The following RNF213 variants were observed in gnomAD, a reference collection of about 807,000 sequenced individuals.
RNF213 encodes ring finger protein 213, also known as E3 ubiquitin-protein ligase RNF213.
RNF213 carries 341 observed loss-of-function variants against 514.4 expected under a neutral mutation model. That is an observed-to-expected ratio of 0.66 (90% CI 0.61 to 0.73). The LOEUF is 0.73. Among genes scored for constraint, RNF213 ranks in the 30% least tolerant of loss-of-function variants. The probability of loss-of-function intolerance (pLI) is 0.00; values close to 1 mark genes in which losing one functional copy is unlikely to be tolerated. For synonymous variants in RNF213, 2,655 were observed against 2,658.2 expected, an observed-to-expected ratio of 1.00 and a Z score of 0.04; for missense variants, 5,767 against 6,615.6, an observed-to-expected ratio of 0.87 and a Z score of 4.45.
At chr17:80,364,170 G>A (rs1437872708) in intron 41 of RNF213, among the ~76,000 whole-genome samples, 1 of 152,210 alleles carries the variant, frequency 6.6e-6, no homozygotes, top group African/African-American at 2.4e-5. Context: ...CTTGACAGGC[G>A]CAGGATCATG....
rs775432491 is a variant in RNF213, at chr17:80,267,950, G to T, written c.97+4172G>T. ...TTCTCCTGCCTCAGCCTCCCAAGTA[G>T]CTGGGATTACAGGTGTGTGCCACCA... On this transcript the variant is annotated intron_variant, in intron 2 of 67. Coordinates refer to ENST00000582970, the MANE Select transcript of RNF213 (RefSeq NM_001256071.3). 1.3e-4 allele frequency among the ~76,000 whole-genome samples: 20 copies of T among 151,706 alleles called. 1 individual carries two copies. The highest frequency in any genetic ancestry group is 2.6e-4 in the Non-Finnish European group (18 of 67,968).
intron 39 of RNF213, among the ~76,000 whole-genome samples, chr17:80,362,463 T>G (rs1241656314): frequency 6.6e-6 from 1 of 152,240 alleles, no homozygotes; most frequent in Non-Finnish European, 1.5e-5. Context: ...TTTGAAAAAT[T>G]GCTTAGCCTT....
intron 42 of RNF213, among the ~76,000 whole-genome samples, chr17:80,367,372 A>T (rs937930531): frequency 1.3e-5 from 2 of 152,218 alleles, no homozygotes; most frequent in African/African-American, 4.8e-5. Context: ...ATTTTAAAAA[A>T]TTTAAAAATT....
rs752447524 is a variant in RNF213, at chr17:80,344,951, G to A, written c.6616G>A (p.Gly2206Arg). ...CCTCCAGCATTTCCTGTTTCACTGC[G>A]GGGTAATAAACCCATCCTGGTCAGA... ...ECLQHFLFHC[G>R]VINPSWSELR... The change falls in exon 29 of 68, where the codon GGG becomes AGG. Residue 2206 changes from glycine to arginine, a missense_variant. Transcript: ENST00000582970. 23 of 1,614,004 alleles carry A rather than the reference G, an allele frequency of 1.4e-5. No homozygotes were observed. The Admixed American group carries it at 3.2e-4, about 22-fold the overall frequency.
intron 2 of RNF213, among the ~76,000 whole-genome samples, chr17:80,267,606 G>A (rs1344335343): frequency 1.3e-5 from 2 of 152,178 alleles, no homozygotes; most frequent in African/African-American, 2.4e-5. Context: ...CTCTCCTGTA[G>A]CCACAATTCC....
At chr17:80,373,245 TC>T in intron 49 of RNF213, 80 bp downstream of exon 49, 1 of 1,042,596 alleles carries the variant, frequency 9.6e-7, no homozygotes, top group Non-Finnish European at 1.3e-6. Context: ...CCCCCTACCC[TC>T]ACACCCTACC....
chr17:80,375,835 A>C lies in RNF213; in HGVS notation c.13150A>C (p.Arg4384=). Residue 4384 remains arginine, a synonymous_variant, in exon 51 of 68, where the codon AGA becomes CGA. Transcript: ENST00000582970. The part of the protein sequence containing the change: ...TLFREVAILY[R]SHNASLHPTP... ...GTTTAGAGAGGTGGCTATTTTGTAC[A>C]GATCCCACAATGCAAGCCTCCACCC... is the stretch of plus-strand genomic sequence containing the variant. The C allele has an allele frequency of 6.2e-7, 1 of 1,614,134 alleles. No individual in the cohort carries two copies. Among genetic ancestry groups the C allele is most frequent in the Middle Eastern group, 1.6e-4 (1 of 6,062 alleles).
At chr17:80,298,205 G>A (rs183105956) in intron 10 of RNF213, 116 bp from the exon 11 acceptor site, 3 of 1,057,738 alleles carry the variant, frequency 2.8e-6, no homozygotes, top group East Asian at 2.6e-5. Context: ...TCAGCCACGC[G>A]CGGTGCTCCT....
At chr17:80,385,315 T>A in intron 60 of RNF213, 144 bp downstream of exon 60, 1 of 1,099,738 alleles carries the variant, frequency 9.1e-7, no homozygotes, top group Non-Finnish European at 1.4e-6. Context: ...CGGTGAAGGG[T>A]GCTTGAACCC....
chr17:80,261,552 C>G (rs2145052938), intron 1 of RNF213, among the ~76,000 whole-genome samples: 1 of 152,286 alleles, frequency 6.6e-6, no homozygotes, highest in South Asian at 2.1e-4. Context: ...CTTCCCTGCC[C>G]CCACCTTGTT....
rs2045873022 is a variant in RNF213 at position 80,315,555 on chromosome 17, GAGGTGATGGTGGAGGTAATGGAGGTGA to G, written c.2812-1632_2812-1606del. On this transcript the variant is annotated intron_variant, in intron 15 of 67. Coordinates refer to ENST00000582970, the MANE Select transcript of RNF213 (RefSeq NM_001256071.3). ...GGTACTGGAGGTGATGGTGGTCGTG[GAGGTGATGGTGGAGGTAATGGAGGTGA>G]TGGTGGTGGTGGTGGTGGTACTGGA... is the stretch of plus-strand genomic sequence containing the variant. 3 of 23,698 alleles carry G rather than the reference GAGGTGATGGTGGAGGTAATGGAGGTGA, an allele frequency of 1.3e-4. 1 individual carries two copies. Among genetic ancestry groups the G allele is most frequent in the Non-Finnish European group, 2.4e-4 (3 of 12,468 alleles). The allele number at this position is 23,698 out of a possible 1,614,324, so 1.5% of individuals were successfully genotyped here. A position where few individuals can be genotyped will look rare whatever the true frequency, so the allele number is the denominator to read the frequency against.
intron 49 of RNF213, 78 bp from the exon 50 acceptor site, chr17:80,374,380 G>A: frequency 6.3e-7 from 1 of 1,589,670 alleles, no homozygotes; most frequent in Non-Finnish European, 8.6e-7. Flanking sequence ...TCAACCACCT[G>A]GTTCCTGTAC....
intron 63 of RNF213, among the ~76,000 whole-genome samples, chr17:80,388,016 G>T (rs889927872): frequency 1.3e-4 from 19 of 144,214 alleles, no homozygotes; most frequent in African/African-American, 5.1e-4. Flanking sequence ...CTGGATTGCA[G>T]TGGCGCAATC....
Position 80,377,107 on chromosome 17 carries a change from C to T in RNF213, c.13510+144C>T. 1.5e-6 allele frequency: 1 copy of T among 686,516 alleles called. No homozygotes were observed. The highest frequency in any genetic ancestry group is 1.5e-5 in the South Asian group (1 of 64,826). The allele number at this position is 686,516 out of a possible 1,614,324, so 42.5% of individuals were successfully genotyped here. A position where few individuals can be genotyped will look rare whatever the true frequency, so the allele number is the denominator to read the frequency against. On this transcript the variant is annotated intron_variant, in intron 53 of 67. Transcript: ENST00000582970. The surrounding 1 kb of genome is among the most constrained non-coding windows in gnomAD (Gnocchi z 4.1). ...ACCTGCATTCTACCGGTGGCGTCTG[C>T]AGAAGACGAATGGCTTGAAGGAGCT...
chr17:80,381,244 G>A (rs2079988672), intron 56 of RNF213: 4 of 602,340 alleles, frequency 6.6e-6, no homozygotes, highest in South Asian at 2.0e-5. Context: ...TGGGAGTAGA[G>A]AGGCTGACAT....
intron 20 of RNF213, among the ~76,000 whole-genome samples, chr17:80,329,032 G>A (rs1360638521): frequency 6.6e-6 from 1 of 152,188 alleles, no homozygotes; most frequent in African/African-American, 2.4e-5. Flanking sequence ...AATCTCTGCC[G>A]AGTGTCTGAA....
At chr17:80,380,369 T>C (rs1324285853) in intron 55 of RNF213, among the ~76,000 whole-genome samples, 10 of 152,226 alleles carry the variant, frequency 6.6e-5, no homozygotes, top group Middle Eastern at 3.2e-3. Context: ...CATCCTCTAA[T>C]AGTTTTGCCA....
intron 55 of RNF213, among the ~76,000 whole-genome samples, chr17:80,380,336 C>T (rs1290964480): frequency 2.0e-5 from 3 of 152,164 alleles, no homozygotes; most frequent in Non-Finnish European, 4.4e-5. Flanking sequence ...CATGTTATCT[C>T]CAGAAACTGT....
Position 80,319,171 on chromosome 17 carries a change from C to T in RNF213, c.2902-19C>T. The T allele has an allele frequency of 1.9e-6, 3 of 1,614,114 alleles. No individual in the cohort carries two copies. Among genetic ancestry groups the T allele is most frequent in the Non-Finnish European group, 2.5e-6 (3 of 1,180,024 alleles). ...CTGCATCCGAAAGCTCTGAAACCAC[C>T]CCCCTTTGATTTTTGCAGGAGGAAC... On this transcript the variant is annotated intron_variant, in intron 16 of 67. Transcript: ENST00000582970.
Sources: gnomAD v4.1 joint callset for allele counts (sites outside exome capture counted in the v4.1 genomes callset) on GRCh38, gnomAD v4.1.1 for gene constraint, Gnocchi (gnomAD v3.1) non-coding constraint, MANE v1.5 for transcripts, NCBI Gene and HGNC (gene_info 2026-07-23, HGNC 2026-07-21) for gene names.